PPP1R12B: variants seen among roughly 807,000 people sequenced by gnomAD.
PPP1R12B encodes protein phosphatase 1 regulatory subunit 12B, also known as myosin phosphatase target subunit 2.
PPP1R12B carries 76 observed loss-of-function variants against 126.1 expected under a neutral mutation model. That is an observed-to-expected ratio of 0.60 (90% CI 0.50 to 0.73). The LOEUF is 0.73. PPP1R12B is among the 30% of genes least tolerant of loss of function. PPP1R12B has a pLI of 0.00. For missense variants in PPP1R12B, 1,052 were observed against 1,205.1 expected (o/e 0.87, Z 1.88); for synonymous variants, 356 against 434.7 (o/e 0.82, Z 2.25).
intron 1 of PPP1R12B, among the ~76,000 whole-genome samples, chr1:202,349,904 T>A (rs1655630316): frequency 1.3e-5 from 2 of 152,198 alleles, no homozygotes; most frequent in South Asian, 4.1e-4. Flanking sequence ...AATCTGTGCT[T>A]GGTAACGACA....
chr1:202,440,865 C>A, intron 11 of PPP1R12B, 77 bp downstream of exon 11: 1 of 1,253,330 alleles, frequency 8.0e-7, no homozygotes, highest in Non-Finnish European at 1.1e-6. Flanking sequence ...GGGCATTACT[C>A]TTCTGCATTT....
At chr1:202,530,786 A>G (rs906068073) in intron 18 of PPP1R12B, among the ~76,000 whole-genome samples, 1 of 152,218 alleles carries the variant, frequency 6.6e-6, no homozygotes, top group Non-Finnish European at 1.5e-5. Context: ...CCACTAGACT[A>G]TGCAGAAGCC....
chr1:202,449,116 C>T lies in PPP1R12B; in HGVS notation c.1795C>T (p.Pro599Ser). ...CACTGCCAATGGGGTTACAGCTACT[C>T]CTGTGCTCTCCATTACTGGAACAGA... ...PSTANGVTAT[P>S]VLSITGTDSS... The change falls in exon 13 of 24, where the codon CCT becomes TCT. Residue 599 changes from proline to serine, a missense_variant. Transcript: ENST00000608999. The T allele has an allele frequency of 6.2e-7, 1 of 1,613,662 alleles. No individual in the cohort carries two copies. Among genetic ancestry groups the T allele is most frequent in the Non-Finnish European group, 8.5e-7 (1 of 1,179,740 alleles).
intron 18 of PPP1R12B, among the ~76,000 whole-genome samples, chr1:202,546,459 C>G (rs1456533471): frequency 1.3e-5 from 2 of 152,006 alleles, no homozygotes; most frequent in African/African-American, 4.8e-5. Context: ...GTTAAACTAG[C>G]CAGGTATTGT....
rs60936070 is a variant in PPP1R12B, at chr1:202,351,212, TTTG to T, written c.291+2097_291+2099del. On this transcript the variant is annotated intron_variant, in intron 1 of 23. Transcript: ENST00000608999. The stretch of plus-strand genomic sequence containing the variant: ...TGTGTCTCCATGACTTGGAGAAGTT[TTTG>T]TTGTTGTTGTTGTTGTTGTTGTTGT... Among the ~76,000 whole-genome samples the T allele has an allele frequency of 2.0e-3, 295 of 146,544 alleles. 1 individual carries two copies. Among genetic ancestry groups the T allele is most frequent in the South Asian group, 3.5e-3 (16 of 4,620 alleles).
chr1:202,370,694 A>G (rs934858232), intron 1 of PPP1R12B, among the ~76,000 whole-genome samples: 2 of 151,758 alleles, frequency 1.3e-5, no homozygotes, highest in Non-Finnish European at 2.9e-5. Flanking sequence ...CTGCCACCAC[A>G]CCCAACTAAT....
intron 1 of PPP1R12B, among the ~76,000 whole-genome samples, chr1:202,389,887 A>G (rs1027165841): frequency 6.7e-6 from 1 of 149,150 alleles, no homozygotes; most frequent in African/African-American, 2.5e-5. Flanking sequence ...AGATCGCTCC[A>G]CTGCACTCCA....
chr1:202,494,040 G>T (rs1177771767), intron 15 of PPP1R12B, among the ~76,000 whole-genome samples: 1 of 152,172 alleles, frequency 6.6e-6, no homozygotes, highest in African/African-American at 2.4e-5. Context: ...TACAACTGTT[G>T]TCTTTGTGTA....
chr1:202,578,350 C>T (rs890374495), intron 23 of PPP1R12B, among the ~76,000 whole-genome samples: 4 of 152,198 alleles, frequency 2.6e-5, no homozygotes, highest in African/African-American at 4.8e-5. Context: ...ATGTGGCTTT[C>T]GTCTCACTTA....
At chr1:202,377,839 T>G (rs1246863724) in intron 1 of PPP1R12B, among the ~76,000 whole-genome samples, 1 of 46,212 alleles carries the variant, frequency 2.2e-5, no homozygotes, top group African/African-American at 4.5e-5. Flanking sequence ...GGTGTTTTTT[T>G]TTTTTTTTTT....
intron 9 of PPP1R12B, among the ~76,000 whole-genome samples, chr1:202,436,293 A>T (rs1391647017): frequency 4.7e-4 from 71 of 151,942 alleles, no homozygotes; most frequent in African/African-American, 1.6e-3. Flanking sequence ...CAACAACAAC[A>T]ACACACACAC....
chr1:202,479,748 A>G (rs1677121974), intron 13 of PPP1R12B, among the ~76,000 whole-genome samples: 1 of 152,248 alleles, frequency 6.6e-6, no homozygotes, highest in Admixed American at 6.5e-5. Context: ...CCAGACCAGC[A>G]GTGTCATCTG....
intron 18 of PPP1R12B, among the ~76,000 whole-genome samples, chr1:202,530,891 C>A (rs543411559): frequency 6.6e-6 from 1 of 152,160 alleles, no homozygotes; most frequent in Non-Finnish European, 1.5e-5. Flanking sequence ...GAAAGAATTG[C>A]GTGACTTTTC....
At chr1:202,447,887 T>G (rs534036510) in intron 12 of PPP1R12B, among the ~76,000 whole-genome samples, 57 of 152,328 alleles carry the variant, frequency 3.7e-4, no homozygotes, top group African/African-American at 1.2e-3. Context: ...TAAAAAAGAC[T>G]ATAAAATTTC....
chr1:202,535,057 G>GTGTGTGTGTA (rs1244218515), intron 18 of PPP1R12B, among the ~76,000 whole-genome samples: 2 of 144,870 alleles, frequency 1.4e-5, no homozygotes, highest in African/African-American at 5.1e-5. Flanking sequence ...GTGTGTGTAT[G>GTGTGTGTGTA]TGTGTGTGTG....
intron 1 of PPP1R12B, among the ~76,000 whole-genome samples, chr1:202,364,753 T>C (rs950746115): frequency 3.3e-5 from 5 of 152,102 alleles, no homozygotes; most frequent in Non-Finnish European, 7.4e-5. Context: ...AGTTTTTGTA[T>C]TTTTAGTAGA....
At chr1:202,513,877 G>A (rs1681817277) in intron 18 of PPP1R12B, among the ~76,000 whole-genome samples, 1 of 152,152 alleles carries the variant, frequency 6.6e-6, no homozygotes, top group South Asian at 2.1e-4. Flanking sequence ...TGGCAGAAGG[G>A]GAGAGGTACC....
intron 1 of PPP1R12B, among the ~76,000 whole-genome samples, chr1:202,412,206 C>T (rs1667484813): frequency 6.6e-6 from 1 of 152,170 alleles, no homozygotes; most frequent in Admixed American, 6.5e-5. Context: ...GTCCCAGCTA[C>T]TTGGAAGGCT....
At chr1:202,464,000 C>G (rs1275261629) in intron 13 of PPP1R12B, among the ~76,000 whole-genome samples, 1 of 152,182 alleles carries the variant, frequency 6.6e-6, no homozygotes, top group Non-Finnish European at 1.5e-5. Flanking sequence ...TTTGTCCATG[C>G]GTGACCTTCT....
Sources: allele counts gnomAD v4.1 joint callset (sites outside exome capture counted in the v4.1 genomes callset), GRCh38; gene constraint gnomAD v4.1.1; transcripts MANE v1.5; gene names NCBI Gene and HGNC (gene_info 2026-07-23, HGNC 2026-07-21).